The following NAALADL2 variants were observed in gnomAD, a reference collection of about 807,000 sequenced individuals.
NAALADL2 encodes the protein inactive N-acetylated-alpha-linked acidic dipeptidase-like protein 2.
A neutral mutation model predicts 87.2 loss-of-function variants in NAALADL2; 76 were observed. The ratio of observed to expected loss-of-function variants is 0.87; its 90% CI spans 0.72 to 1.05. The LOEUF is 1.05. Ranked by LOEUF, NAALADL2 falls within the 50% of genes least tolerant of loss-of-function variation. The pLI, the probability that NAALADL2 is intolerant of heterozygous loss-of-function variation, is 0.00. For synonymous variants in NAALADL2, 354 were observed against 331.0 expected (o/e 1.07, Z -0.75); for missense variants, 1,089 against 945.8 (o/e 1.15, Z -1.99).
chr3:174,780,465 C>T (rs1260879029), intron 3 of NAALADL2, among the ~76,000 whole-genome samples: 1 of 152,054 alleles, frequency 6.6e-6, no homozygotes, highest in Non-Finnish European at 1.5e-5. Flanking sequence ...TATATGAATA[C>T]CCTTTATTTC....
chr3:174,960,474 C>T (rs1741816604), intron 1 of NAALADL2, among the ~76,000 whole-genome samples: 1 of 151,980 alleles, frequency 6.6e-6, no homozygotes, highest in Non-Finnish European at 1.5e-5. Flanking sequence ...TCATCTTGGA[C>T]TTACTATGAA....
At chr3:175,344,054 C>G (rs1174256001) in intron 5 of NAALADL2, among the ~76,000 whole-genome samples, 1 of 152,004 alleles carries the variant, frequency 6.6e-6, no homozygotes, top group Admixed American at 6.6e-5. Context: ...TTAATACCGA[C>G]AAGCAATCTG....
At chr3:175,073,704 C>T (rs1580305471) in intron 1 of NAALADL2, among the ~76,000 whole-genome samples, 1 of 152,028 alleles carries the variant, frequency 6.6e-6, no homozygotes, top group South Asian at 2.1e-4. Flanking sequence ...CTTTGACCTA[C>T]AGCTGAATTT....
intron 3 of NAALADL2, among the ~76,000 whole-genome samples, chr3:174,850,281 C>T (rs1560285600): frequency 2.0e-5 from 3 of 152,040 alleles, no homozygotes; most frequent in Admixed American, 1.3e-4. Context: ...CATATAAGAG[C>T]TCCTTTATAT....
chr3:175,465,030 A>G (rs561142661), intron 7 of NAALADL2, among the ~76,000 whole-genome samples: 1 of 152,238 alleles, frequency 6.6e-6, no homozygotes, highest in East Asian at 1.9e-4. Flanking sequence ...TACCATTAGT[A>G]TTCTTCAGTA....
At chr3:175,267,031 T>C (rs1163500758) in intron 4 of NAALADL2, among the ~76,000 whole-genome samples, 1 of 108,988 alleles carries the variant, frequency 9.2e-6, no homozygotes, top group East Asian at 3.2e-4. Context: ...AGAGTAAAAC[T>C]AGTAAAAAAA....
chr3:175,424,355 T>A (rs1289524661), intron 5 of NAALADL2, among the ~76,000 whole-genome samples: 2 of 152,168 alleles, frequency 1.3e-5, no homozygotes, highest in Non-Finnish European at 2.9e-5. Context: ...CTGAATGGTA[T>A]TGCCTAGGTT....
chr3:174,859,075 A>G (rs142481472), upstream of NAALADL2, among the ~76,000 whole-genome samples: 257 of 152,244 alleles, frequency 1.7e-3, 1 homozygote, highest in African/African-American at 5.7e-3. Flanking sequence ...TGTACTGGTA[A>G]TATCAATGCT....
intron 11 of NAALADL2, among the ~76,000 whole-genome samples, chr3:175,712,000 T>A (rs1740591083): frequency 6.6e-6 from 1 of 151,944 alleles, no homozygotes; most frequent in African/African-American, 2.4e-5. Context: ...AGTTGCACTA[T>A]CCATATATTC....
At chr3:175,272,832 T>A (rs780988072) in intron 4 of NAALADL2, among the ~76,000 whole-genome samples, 1 of 152,008 alleles carries the variant, frequency 6.6e-6, no homozygotes. Context: ...TGACTTAAGG[T>A]AAGGAACCTG....
At chr3:174,656,982 T>TCTCC (rs1365044004) in intron 2 of NAALADL2, among the ~76,000 whole-genome samples, 1 of 151,368 alleles carries the variant, frequency 6.6e-6, no homozygotes, top group Non-Finnish European at 1.5e-5. Flanking sequence ...GGGCTTCCCT[T>TCTCC]CTCCCTCCCT....
intron 1 of NAALADL2, among the ~76,000 whole-genome samples, chr3:174,881,980 C>G (rs1354667219): frequency 6.6e-6 from 1 of 152,088 alleles, no homozygotes; most frequent in East Asian, 1.9e-4. Context: ...ATGTATTTAT[C>G]TAAAATGCTT....
intron 9 of NAALADL2, among the ~76,000 whole-genome samples, chr3:175,522,677 G>C (rs1342801891): frequency 6.6e-6 from 1 of 152,136 alleles, no homozygotes; most frequent in Non-Finnish European, 1.5e-5. Flanking sequence ...TCTCATACCT[G>C]ATCTCACTTC....
chr3:174,883,647 T>G (rs1729708217), intron 1 of NAALADL2, among the ~76,000 whole-genome samples: 1 of 152,192 alleles, frequency 6.6e-6, no homozygotes, highest in Non-Finnish European at 1.5e-5. Context: ...TCATGACAAT[T>G]ACAGCCCTCG....
intron 5 of NAALADL2, among the ~76,000 whole-genome samples, chr3:175,340,037 T>C (rs1411338536): frequency 6.6e-6 from 1 of 152,196 alleles, no homozygotes; most frequent in African/African-American, 2.4e-5. Flanking sequence ...GTGTGGCATA[T>C]GATATTCACT....
chr3:174,767,236 T>C (rs930760579), intron 3 of NAALADL2, among the ~76,000 whole-genome samples: 6 of 152,136 alleles, frequency 3.9e-5, no homozygotes, highest in African/African-American at 1.4e-4. Context: ...GTCGATTTAA[T>C]AATAAATGAT....
At chr3:175,476,536 C>T (rs1005643711) in intron 9 of NAALADL2, among the ~76,000 whole-genome samples, 2 of 152,156 alleles carry the variant, frequency 1.3e-5, no homozygotes, top group Non-Finnish European at 2.9e-5. Flanking sequence ...AGCCATCTGT[C>T]TTTTCAAACC....
At chr3:174,776,629 A>G (rs1366593502) in intron 3 of NAALADL2, among the ~76,000 whole-genome samples, 6 of 152,132 alleles carry the variant, frequency 3.9e-5, no homozygotes, top group African/African-American at 7.2e-5. Flanking sequence ...ACTTGTAATG[A>G]TACATTATAA....
intron 2 of NAALADL2, among the ~76,000 whole-genome samples, chr3:174,578,820 T>C (rs928332070): frequency 2.0e-5 from 3 of 151,920 alleles, no homozygotes; most frequent in Non-Finnish European, 4.4e-5. Flanking sequence ...ATTATATGAA[T>C]TAAACTTCAT....
Sources: gnomAD v4.1 joint callset for allele counts (sites outside exome capture counted in the v4.1 genomes callset) on GRCh38, gnomAD v4.1.1 for gene constraint, MANE v1.5 for transcripts, NCBI Gene and HGNC (gene_info 2026-07-23, HGNC 2026-07-21) for gene names.